Variants in EOGT observed in about 807,000 individuals in gnomAD.
EOGT encodes EGF domain specific O-linked N-acetylglucosamine transferase.
Under a neutral mutation model 70.5 loss-of-function variants are expected in EOGT, and 55 were observed. The observed-to-expected ratio is 0.78, with a 90% CI of 0.63 to 0.98. The LOEUF (loss-of-function observed/expected upper bound fraction) is 0.98. Among genes scored for constraint, EOGT ranks in the 50% least tolerant of loss-of-function variants. The pLI, the probability that EOGT is intolerant of heterozygous loss-of-function variation, is 0.00. For synonymous variants in EOGT, 246 were observed against 217.1 expected (o/e 1.13, Z -1.17); for missense variants, 703 against 641.9 (o/e 1.10, Z -1.03).
At chr3:68,982,620 C>T in intron 15 of EOGT, 191 bp downstream of exon 15, 1 of 407,124 alleles carries the variant, frequency 2.5e-6, no homozygotes, top group Non-Finnish European at 4.4e-6. Context: ...AACATCAGGC[C>T]CCAGAAAGCC....
chr3:69,005,933 A>G (rs2091428652), intron 6 of EOGT, among the ~76,000 whole-genome samples: 1 of 152,182 alleles, frequency 6.6e-6, no homozygotes, highest in East Asian at 1.9e-4. Context: ...CTTGACCTGC[A>G]TGGTGTTTTG....
intron 5 of EOGT, 80 bp from the exon 6 acceptor site, chr3:69,007,901 G>T: frequency 1.1e-6 from 1 of 936,510 alleles, no homozygotes; most frequent in Non-Finnish European, 1.6e-6. Flanking sequence ...AGGTTAAAAT[G>T]CTAGAGGTTC....
chr3:68,988,801 GA>G (rs2090893664), intron 11 of EOGT, 123 bp downstream of exon 11: 2 of 643,288 alleles, frequency 3.1e-6, no homozygotes, highest in Admixed American at 3.4e-5. Context: ...AATTATAAAA[GA>G]AATTCAGAAA....
At chr3:69,007,976 G>A (rs2091481945) in intron 5 of EOGT, among the ~76,000 whole-genome samples, 155 bp from the exon 6 acceptor site, 1 of 152,106 alleles carries the variant, frequency 6.6e-6, no homozygotes, top group African/African-American at 2.4e-5. Flanking sequence ...CTCACTACAT[G>A]AAGTTACGAA....
intron 13 of EOGT, chr3:68,987,787 G>A (rs969853473): frequency 4.2e-6 from 2 of 480,920 alleles, no homozygotes; most frequent in Non-Finnish European, 7.3e-6. Context: ...TGAACATTTG[G>A]GGAGGTGAGG....
chr3:69,009,878 GACA>G lies in EOGT; in HGVS notation c.-14-21_-14-19del, dbSNP rs1470872441. On this transcript the variant is annotated intron_variant, in intron 3 of 17. Coordinates refer to ENST00000383701, the MANE Select transcript of EOGT (RefSeq NM_001278689.2). ...CTGCAAACCTAGAGATCAAAATGAA[GACA>G]ACTTTGTTAACAAATTTCCTTTAAA... 1.5e-6 allele frequency: 2 copies of G among 1,367,168 alleles called. No individual in the cohort carries two copies. The highest frequency in any genetic ancestry group is 1.9e-6 in the Non-Finnish European group (2 of 1,025,870). The allele number at this position is 1,367,168 out of a possible 1,614,324, so 84.7% of individuals were successfully genotyped here.
At chr3:68,980,451 T>C (rs754254237) in intron 15 of EOGT, among the ~76,000 whole-genome samples, 2 of 152,186 alleles carry the variant, frequency 1.3e-5, no homozygotes, top group Non-Finnish European at 2.9e-5. Context: ...CTAACCAGTG[T>C]GTAAACTTTG....
chr3:68,998,461 C>G (rs11128107), intron 9 of EOGT, among the ~76,000 whole-genome samples: 1 of 152,170 alleles, frequency 6.6e-6, no homozygotes, highest in East Asian at 1.9e-4. Context: ...TGAAGACAAA[C>G]CATTATTTCT....
rs1246168770 is a variant in EOGT at position 69,001,694 on chromosome 3, T to C, written c.641A>G (p.Tyr214Cys). The C allele has an allele frequency of 1.1e-5, 18 of 1,609,646 alleles. No homozygotes were observed. Among genetic ancestry groups the C allele is most frequent in the Non-Finnish European group, 1.4e-5 (17 of 1,178,130 alleles). Residue 214 changes from tyrosine to cysteine, a missense_variant, in exon 9 of 18, where the codon TAT becomes TGT. Physicochemically the swap from Tyr to Cys is radical, Grantham distance 194. Transcript: ENST00000383701. ...LQSWFAELQS[Y>C]TQLNFRPIED... ...TATAGGTCTGAAGTTGAGCTGAGTA[T>C]AGCTTTGTAGCTCAGCAAACCTGAA...
At chr3:68,995,474 C>T (rs1236365606) in intron 10 of EOGT, among the ~76,000 whole-genome samples, 1 of 152,120 alleles carries the variant, frequency 6.6e-6, no homozygotes, top group Non-Finnish European at 1.5e-5. Flanking sequence ...CTTAACTGTG[C>T]CAGAGCTGAG....
In EOGT at chr3:69,007,793, T is replaced by C; in HGVS notation, c.340A>G (p.Ile114Val). 1 of 1,612,618 alleles carries C rather than the reference T, an allele frequency of 6.2e-7. No homozygotes were observed. Among genetic ancestry groups the C allele is most frequent in the Non-Finnish European group, 8.5e-7 (1 of 1,179,010 alleles). The change falls in exon 6 of 18, where the codon ATA (isoleucine) becomes GTA (valine). Residue 114 changes from isoleucine (I) to valine (V), a missense_variant. Ile to Val is a conservative substitution (Grantham distance 29, BLOSUM62 3). Transcript: ENST00000383701. ...CCAAAGTCAGCTTGTTTCCAAAATA[T>C]GTCCTCAGCTGACTCAAGAGTGTCC... ...WTDTLESAED[I>V]FWKQADFGYA...
chr3:68,982,848 A>G lies in EOGT; in HGVS notation c.1177T>C (p.Ser393Pro). The G allele has an allele frequency of 6.2e-7, 1 of 1,604,836 alleles. No homozygotes were observed. Among genetic ancestry groups the G allele is most frequent in the South Asian group, 1.1e-5 (1 of 88,934 alleles). Residue 393 changes from serine to proline, a missense_variant, in exon 15 of 18, where the codon TCT (serine) becomes CCT (proline). Ser to Pro is a moderately conservative substitution (Grantham distance 74). Coordinates refer to ENST00000383701, the MANE Select transcript of EOGT (RefSeq NM_001278689.2). Reference sequence around the variant, plus strand: ...TCAACAATCTGGACTTCAAATGTAGATACTGTTTTCAGTGCATTTACAAGC... The same window carrying G: ...TCAACAATCTGGACTTCAAATGTAGGTACTGTTTTCAGTGCATTTACAAGC... ...NELVNALKTV[S>P]TFEVQIVDYK...
intron 6 of EOGT, among the ~76,000 whole-genome samples, chr3:69,007,488 C>T (rs954532569): frequency 6.3e-4 from 61 of 97,252 alleles, no homozygotes; most frequent in Middle Eastern, 7.6e-3. Context: ...CCCACCTTTA[C>T]TAAAAATATA....
At chr3:68,997,686 ATG>A (rs2091189155) in intron 10 of EOGT, among the ~76,000 whole-genome samples, 1 of 152,160 alleles carries the variant, frequency 6.6e-6, no homozygotes, top group Non-Finnish European at 1.5e-5. Flanking sequence ...AGTCTTTCAT[ATG>A]TGTGTCCCAG....
intron 10 of EOGT, among the ~76,000 whole-genome samples, chr3:68,990,345 ATGC>A (rs2090955353): frequency 7.5e-6 from 1 of 132,674 alleles, no homozygotes. Flanking sequence ...TAATTACCAC[ATGC>A]TTTTTTTTTT....
chr3:68,979,624 G>A, intron 16 of EOGT, 44 bp downstream of exon 16: 1 of 1,601,712 alleles, frequency 6.2e-7, no homozygotes, highest in Non-Finnish European at 8.5e-7. Flanking sequence ...TGCATAAAAA[G>A]CATTATCAGT....
chr3:68,986,947 T>C (rs1387511373), intron 14 of EOGT, among the ~76,000 whole-genome samples: 1 of 152,194 alleles, frequency 6.6e-6, no homozygotes, highest in African/African-American at 2.4e-5. Flanking sequence ...GTAGTGGCCT[T>C]GCATGGTGAT....
intron 3 of EOGT, among the ~76,000 whole-genome samples, chr3:69,011,193 CTT>C (rs57904466): frequency 1.8e-5 from 2 of 113,300 alleles, no homozygotes; most frequent in African/African-American, 3.3e-5. Flanking sequence ...GATCTTTGTT[CTT>C]TTTTTTTTTT....
chr3:69,005,960 A>G (rs1249492942), intron 6 of EOGT, among the ~76,000 whole-genome samples: 2 of 152,226 alleles, frequency 1.3e-5, no homozygotes, highest in Non-Finnish European at 2.9e-5. Flanking sequence ...GTAGTTGGTA[A>G]AATATTGCAA....
Sources: allele counts gnomAD v4.1 joint callset (sites outside exome capture counted in the v4.1 genomes callset), GRCh38; gene constraint gnomAD v4.1.1; transcripts MANE v1.5; gene names NCBI Gene and HGNC (gene_info 2026-07-23, HGNC 2026-07-21).